Variants in EMP1 observed in about 807,000 individuals in gnomAD.
EMP1 encodes epithelial membrane protein 1, also known as tumor-associated membrane protein.
EMP1 carries 5 observed loss-of-function variants against 15.7 expected under a neutral mutation model. The ratio of observed to expected loss-of-function variants is 0.32; its 90% confidence interval spans 0.17 to 0.67. EMP1 has a LOEUF of 0.67. EMP1 is among the 30% of genes least tolerant of loss of function. The pLI is 0.74. For synonymous variants in EMP1, 78 were observed against 76.7 expected (o/e 1.02, Z -0.09); for missense variants, 166 against 194.2 (o/e 0.85, Z 0.86).
Position 13,211,483 on chromosome 12 carries a change from A to T in EMP1, c.-28A>T. On this transcript the variant is annotated 5_prime_UTR_variant, in exon 2 of 5. Transcript: ENST00000256951. This position sits in a 1 kb window ranked among gnomAD's most constrained non-coding sequence, Gnocchi z 4.7. Reference sequence around the variant, plus strand: ...TTTCTTTTCAGAACTCTCTTTGCTCACAAGTTACCAAAAAAAAAAGAGCCA... The same window carrying T: ...TTTCTTTTCAGAACTCTCTTTGCTCTCAAGTTACCAAAAAAAAAAGAGCCA... 6.2e-7 allele frequency: 1 copy of T among 1,608,766 alleles called. No homozygotes were observed. The highest frequency in any genetic ancestry group is 8.5e-7 in the Non-Finnish European group (1 of 1,178,040).
Position 13,214,561 on chromosome 12 carries a change from T to C in EMP1, c.344T>C (p.Ile115Thr), listed in dbSNP as rs1864195928. 1 of 1,613,908 alleles carries C rather than the reference T, an allele frequency of 6.2e-7. No homozygotes were observed. The highest frequency in any genetic ancestry group is 1.7e-5 in the Admixed American group (1 of 59,994). ...CWLCILVGVS[I>T]YTSHYANRDG... ...CTGTGCATTCTTGTGGGGGTGTCCA[T>C]CTACACTAGTCATTATGCGAATCGT... The change falls in exon 5 of 5, where the codon ATC (isoleucine) becomes ACC (threonine). Residue 115 changes from isoleucine to threonine, a missense_variant. Transcript: ENST00000256951.
chr12:13,206,237 CT>C (rs993201860), intron 1 of EMP1, among the ~76,000 whole-genome samples: 1 of 152,182 alleles, frequency 6.6e-6, no homozygotes, highest in African/African-American at 2.4e-5. Context: ...CATTACTGCT[CT>C]TTTCTCCCCA....
At chr12:13,213,440 C>T in intron 2 of EMP1, 39 bp from the exon 3 acceptor site, 1 of 1,571,012 alleles carries the variant, frequency 6.4e-7, no homozygotes, top group Non-Finnish European at 8.8e-7. Context: ...AATCAGAGGG[C>T]CAGCTTTCAA....
intron 1 of EMP1, among the ~76,000 whole-genome samples, chr12:13,203,951 A>G (rs1179560378): frequency 6.6e-6 from 1 of 152,148 alleles, no homozygotes; most frequent in East Asian, 1.9e-4. Flanking sequence ...TGACTATGTG[A>G]GACTCTGTGC....
Position 13,213,506 on chromosome 12 carries a change from G to A in EMP1, c.106G>A (p.Ala36Thr), listed in dbSNP as rs1439295108. The A allele has an allele frequency of 6.8e-6, 11 of 1,614,064 alleles. No individual in the cohort carries two copies. Among genetic ancestry groups the A allele is most frequent in the Non-Finnish European group, 9.3e-6 (11 of 1,180,040 alleles). ...CTGGTTGGTTTCCAATACGGTAGATGCATCAGTAGGTCTTTGGAAAAACTG... is the reference window on the plus strand; with the variant it reads ...CTGGTTGGTTTCCAATACGGTAGATACATCAGTAGGTCTTTGGAAAAACTG... ...NVWLVSNTVDASVGLWKNCTN... is the reference protein window; with the variant it reads ...NVWLVSNTVDTSVGLWKNCTN... The change falls in exon 3 of 5, where the codon GCA becomes ACA. Residue 36 changes from alanine (A) to threonine (T), a missense_variant. Coordinates refer to ENST00000256951, the MANE Select transcript of EMP1 (RefSeq NM_001423.3).
chr12:13,211,584 C>T lies in EMP1; in HGVS notation c.74C>T (p.Ala25Val), dbSNP rs1864165404. 1 of 1,613,596 alleles carries T rather than the reference C, an allele frequency of 6.2e-7. No homozygotes were observed. The highest frequency in any genetic ancestry group is 8.5e-7 in the Non-Finnish European group (1 of 1,179,850). The part of the protein sequence containing the change: ...TVIMLFVSTI[A>V]NVWLVSNTVD... ...ATTATGCTATTTGTTAGCACCATTGCCAATGTGAGTAATGTTCTTTTGTTC... is the reference window on the plus strand; with the variant it reads ...ATTATGCTATTTGTTAGCACCATTGTCAATGTGAGTAATGTTCTTTTGTTC... The change falls in exon 2 of 5, where the codon GCC (alanine) becomes GTC (valine). Residue 25 changes from alanine (A) to valine (V), a missense_variant. Ala to Val is a moderately conservative substitution (Grantham distance 64). Transcript: ENST00000256951. The surrounding 1 kb of genome is among the most constrained non-coding windows in gnomAD (Gnocchi z 4.7).
At chr12:13,201,274 G>A (rs1565577044) in intron 1 of EMP1, among the ~76,000 whole-genome samples, 1 of 152,080 alleles carries the variant, frequency 6.6e-6, no homozygotes, top group African/African-American at 2.4e-5. Flanking sequence ...GGGTGTGGTA[G>A]TGCATGCCTG....
In EMP1 at chr12:13,216,178, G is replaced by A. The variant is rs770593471; in HGVS notation, c.*1487G>A. On this transcript the variant is annotated 3_prime_UTR_variant, in exon 5 of 5. Transcript: ENST00000256951. ...GTCTAAAGGGGTTTTTTGGGAAGACGTTTTCTTTATCGCCCTGAGAAGATC... is the reference window on the plus strand; with the variant it reads ...GTCTAAAGGGGTTTTTTGGGAAGACATTTTCTTTATCGCCCTGAGAAGATC... The A allele has an allele frequency of 5.3e-5, 28 of 523,478 alleles. 1 individual carries two copies. The highest frequency in any genetic ancestry group is 1.0e-3 in the Middle Eastern group (2 of 1,906). The allele number at this position is 523,478 out of a possible 1,614,324, so 32.4% of individuals were successfully genotyped here. A position where few individuals can be genotyped will look rare whatever the true frequency, so the allele number is the denominator to read the frequency against.
chr12:13,212,180 T>C (rs561808532), intron 2 of EMP1, among the ~76,000 whole-genome samples: 1 of 152,190 alleles, frequency 6.6e-6, no homozygotes, highest in Admixed American at 6.5e-5. Context: ...ATTAACCCAG[T>C]GCCACTGAAT....
Position 13,204,501 on chromosome 12 carries a change from A to G in EMP1, c.-42-6968A>G, listed in dbSNP as rs572496235. ...CCAACCAAATGATCCTTCATGGGAA[A>G]CAAACACATCAAAACCAAACCAACA... On this transcript the variant is annotated intron_variant, in intron 1 of 4. Transcript: ENST00000256951. Among the ~76,000 whole-genome samples the G allele has an allele frequency of 9.8e-5, 15 of 152,326 alleles. No individual in the cohort carries two copies. The East Asian group carries it at 2.9e-3, about 29-fold the overall frequency.
intron 1 of EMP1, among the ~76,000 whole-genome samples, chr12:13,199,863 A>C (rs966507496): frequency 2.0e-5 from 3 of 152,146 alleles, no homozygotes; most frequent in African/African-American, 7.2e-5. Context: ...TGCTCCACCC[A>C]ATGATTCTCA....
In EMP1 at chr12:13,218,944, A is replaced by T. The variant is rs1864236759; in HGVS notation, c.*4253A>T. ...GAAGAAGAAAGATTTTCAGTTCTTC[A>T]GCTTTTCCTCATGACCCTATCTCAT... On this transcript the variant is annotated 3_prime_UTR_variant, in exon 5 of 5. Coordinates refer to ENST00000256951, the MANE Select transcript of EMP1 (RefSeq NM_001423.3). The T allele has an allele frequency of 6.6e-6, 1 of 152,174 alleles. No homozygotes were observed. The highest frequency in any genetic ancestry group is 6.5e-5 in the Admixed American group (1 of 15,284). 9.4% of individuals were successfully genotyped at this position (152,174 alleles called of 1,614,324 possible).
chr12:13,208,215 A>G (rs575770368), intron 1 of EMP1, among the ~76,000 whole-genome samples: 1 of 152,320 alleles, frequency 6.6e-6, no homozygotes, highest in South Asian at 2.1e-4. Context: ...AAGATTCACA[A>G]TGGGGCAGAG....
chr12:13,206,262 C>T (rs1248965928), intron 1 of EMP1, among the ~76,000 whole-genome samples: 1 of 152,168 alleles, frequency 6.6e-6, no homozygotes, highest in Admixed American at 6.5e-5. Context: ...AAATCCTGGC[C>T]TTTCTTAAGC....
intron 1 of EMP1, chr12:13,199,635 T>C (rs1479759755): frequency 2.0e-5 from 3 of 152,160 alleles, no homozygotes; most frequent in Admixed American, 2.0e-4. Context: ...GAAATCTAAT[T>C]TTTACACCAT....
In EMP1 at chr12:13,210,640, G is replaced by A. The variant is rs146347588; in HGVS notation, c.-42-829G>A. ...GGATTGGAATTTGTGTAAATGTCAT[G>A]TACAAGGAGAAGGCACATTTGGTGC... On this transcript the variant is annotated intron_variant, in intron 1 of 4. Transcript: ENST00000256951. 2.8e-3 allele frequency among the ~76,000 whole-genome samples: 427 copies of A among 152,330 alleles called. 1 individual carries two copies. The highest frequency in any genetic ancestry group is 5.0e-3 in the Admixed American group (77 of 15,308).
chr12:13,212,285 C>T (rs913029706), intron 2 of EMP1, among the ~76,000 whole-genome samples: 4 of 152,122 alleles, frequency 2.6e-5, no homozygotes, highest in African/African-American at 4.8e-5. Flanking sequence ...TGGCTTACAG[C>T]GCCCAATTTG....
rs750631772 is a variant in EMP1 at position 13,214,669 on chromosome 12, A to C, written c.452A>C (p.Tyr151Ser). 3 of 1,612,240 alleles carry C rather than the reference A, an allele frequency of 1.9e-6. No individual in the cohort carries two copies. The highest frequency in any genetic ancestry group is 8.5e-7 in the Non-Finnish European group (1 of 1,179,334). Residue 151 changes from tyrosine to serine, a missense_variant, in exon 5 of 5, where the codon TAT becomes TCT. By Grantham distance (144) the Tyr-to-Ser change is moderately radical. Transcript: ENST00000256951. ...TTCAGCTTCATCATCGGCGTTCTCTATCTGGTCCTGAGAAAGAAATAAGGC... is the reference window on the plus strand; with the variant it reads ...TTCAGCTTCATCATCGGCGTTCTCTCTCTGGTCCTGAGAAAGAAATAAGGC... ...FCFSFIIGVL[Y>S]LVLRKK
chr12:13,202,635 G>A (rs761178223), intron 1 of EMP1, among the ~76,000 whole-genome samples: 1 of 152,132 alleles, frequency 6.6e-6, no homozygotes, highest in Non-Finnish European at 1.5e-5. Flanking sequence ...AAGGTTGCTC[G>A]GAGTTTGCAG....
Sources: gnomAD v4.1 joint callset for allele counts (sites outside exome capture counted in the v4.1 genomes callset) on GRCh38, gnomAD v4.1.1 for gene constraint, Gnocchi (gnomAD v3.1) non-coding constraint, MANE v1.5 for transcripts, NCBI Gene and HGNC (gene_info 2026-07-23, HGNC 2026-07-21) for gene names.